GRIN2A: variants seen among roughly 807,000 people sequenced by gnomAD.
GRIN2A encodes glutamate ionotropic receptor NMDA type subunit 2A, also known as glutamate receptor ionotropic, NMDA 2A.
In GRIN2A, 22 loss-of-function variants were observed where a neutral mutation model predicts 113.4. The ratio of observed to expected loss-of-function variants is 0.19; its 90% confidence interval spans 0.14 to 0.28. The LOEUF (loss-of-function observed/expected upper bound fraction) is 0.28, where lower values mean the gene tolerates loss of function less well. Among genes scored for constraint, GRIN2A ranks in the 10% least tolerant of loss-of-function variants. The pLI is 1.00. For missense variants in GRIN2A, 1,502 were observed against 1,887.0 expected, an observed-to-expected ratio of 0.80 and a Z score of 3.78; for synonymous variants, 827 against 738.4, an observed-to-expected ratio of 1.12 and a Z score of -1.94.
At chr16:10,067,018 G>T (rs2047662896) in intron 2 of GRIN2A, among the ~76,000 whole-genome samples, 1 of 152,222 alleles carries the variant, frequency 6.6e-6, no homozygotes, top group Non-Finnish European at 1.5e-5. Context: ...TTAAGTGGAT[G>T]AATAAATGAA....
chr16:9,867,801 C>T (rs2043186449), intron 4 of GRIN2A, among the ~76,000 whole-genome samples: 1 of 152,104 alleles, frequency 6.6e-6, no homozygotes, highest in Non-Finnish European at 1.5e-5. Flanking sequence ...TTTCCTCTCC[C>T]TCTTGCCCCC....
intron 2 of GRIN2A, among the ~76,000 whole-genome samples, chr16:9,995,706 A>C (rs918119714): frequency 6.6e-6 from 1 of 152,150 alleles, no homozygotes; most frequent in Non-Finnish European, 1.5e-5. Context: ...TGATTCTTGC[A>C]CTTACATTTT....
chr16:9,994,508 G>C (rs532185967), intron 2 of GRIN2A, among the ~76,000 whole-genome samples: 1 of 152,142 alleles, frequency 6.6e-6, no homozygotes, highest in Non-Finnish European at 1.5e-5. Context: ...TGACGTCCCC[G>C]AGATGTTAAC....
chr16:9,761,196 T>C lies in GRIN2A; in HGVS notation c.*1953A>G, dbSNP rs1900567592. 4.3e-6 allele frequency: 1 copy of C among 231,884 alleles called. No individual in the cohort carries two copies. Among genetic ancestry groups the C allele is most frequent in the Non-Finnish European group, 8.5e-6 (1 of 117,296 alleles). The allele number at this position is 231,884 out of a possible 1,614,324, so 14.4% of individuals were successfully genotyped here. A position where few individuals can be genotyped will look rare whatever the true frequency, so the allele number is the denominator to read the frequency against. ...GGAACACTGTAGGTCAGGTGTACTT[T>C]CCCAAAGATGGAGCTATTCCATGCA... On this transcript the variant is annotated 3_prime_UTR_variant, in exon 13 of 13. Coordinates refer to ENST00000330684, the MANE Select transcript of GRIN2A (RefSeq NM_001134407.3).
At chr16:10,113,639 C>T (rs1194971570) in intron 2 of GRIN2A, among the ~76,000 whole-genome samples, 2 of 152,200 alleles carry the variant, frequency 1.3e-5, no homozygotes, top group East Asian at 1.9e-4. Flanking sequence ...GCAGCTTATA[C>T]ACTACTGCAT....
intron 2 of GRIN2A, among the ~76,000 whole-genome samples, chr16:10,090,315 AAG>A (rs1160913608): frequency 6.6e-6 from 1 of 152,226 alleles, no homozygotes; most frequent in East Asian, 1.9e-4. Flanking sequence ...TACAGAAATC[AAG>A]AGAGTGTGGT....
chr16:10,138,064 G>A (rs930407426), intron 2 of GRIN2A, among the ~76,000 whole-genome samples: 1 of 152,130 alleles, frequency 6.6e-6, no homozygotes, highest in Non-Finnish European at 1.5e-5. Context: ...TCCACTCCTA[G>A]ACCCTAGTTC....
intron 3 of GRIN2A, among the ~76,000 whole-genome samples, chr16:9,894,295 A>C (rs963736732): frequency 6.6e-6 from 1 of 152,214 alleles, no homozygotes; most frequent in African/African-American, 2.4e-5. Context: ...GGATTTGTTC[A>C]GAAGGTCATG....
At chr16:9,917,937 G>A (rs1037550977) in intron 3 of GRIN2A, among the ~76,000 whole-genome samples, 2 of 152,074 alleles carry the variant, frequency 1.3e-5, no homozygotes, top group Non-Finnish European at 2.9e-5. Flanking sequence ...ACTTAATTAA[G>A]CTATGCAAAG....
chr16:10,013,612 T>C (rs2046550608), intron 2 of GRIN2A, among the ~76,000 whole-genome samples: 1 of 152,154 alleles, frequency 6.6e-6, no homozygotes, highest in Non-Finnish European at 1.5e-5. Context: ...TCATAGCTCT[T>C]CTCTCTGTGC....
Position 9,938,055 on chromosome 16 carries a change from G to C in GRIN2A, c.911C>G (p.Ser304Cys). The C allele has an allele frequency of 6.2e-7, 1 of 1,614,108 alleles. No individual in the cohort carries two copies. Among genetic ancestry groups the C allele is most frequent in the Admixed American group, 1.7e-5 (1 of 60,032 alleles). ...DGIGILTTAA[S>C]SMLEKFSYIP... ...GTAGGAGAACTTCTCCAGCATAGAA[G>C]ATGCAGCGGTGGTTAGGATGCCAAT... The change falls in exon 3 of 13, where the codon TCT (serine) becomes TGT (cysteine). Residue 304 changes from serine to cysteine, a missense_variant. Physicochemically the swap from Ser to Cys is moderately radical, Grantham distance 112 (BLOSUM62 -1). Coordinates refer to ENST00000330684, the MANE Select transcript of GRIN2A (RefSeq NM_001134407.3).
chr16:9,962,578 A>G (rs2045464355), intron 2 of GRIN2A, among the ~76,000 whole-genome samples: 1 of 152,168 alleles, frequency 6.6e-6, no homozygotes, highest in Admixed American at 6.5e-5. Context: ...ATCTCACACC[A>G]GTTAGAATGG....
intron 2 of GRIN2A, among the ~76,000 whole-genome samples, chr16:10,138,767 T>C (rs2049257837): frequency 6.6e-6 from 1 of 152,228 alleles, no homozygotes. Flanking sequence ...TTAAAGTACC[T>C]GGCATAGTTT....
At chr16:10,130,475 G>A (rs1020886774) in intron 2 of GRIN2A, among the ~76,000 whole-genome samples, 1 of 152,196 alleles carries the variant, frequency 6.6e-6, no homozygotes, top group East Asian at 1.9e-4. Flanking sequence ...GTAGGCAGAT[G>A]GGTCAGGCTG....
chr16:9,794,247 T>C (rs989589508), intron 11 of GRIN2A, among the ~76,000 whole-genome samples: 10 of 152,204 alleles, frequency 6.6e-5, no homozygotes, highest in Non-Finnish European at 1.5e-4. Context: ...TGTAAGAGGT[T>C]CCCTCAATAA....
intron 10 of GRIN2A, 66 bp downstream of exon 10, chr16:9,822,198 G>C: frequency 6.6e-7 from 1 of 1,512,188 alleles, no homozygotes; most frequent in South Asian, 1.1e-5. Context: ...GAGGCATGCC[G>C]AGAGTCAATT....
At position 9,867,152 on chromosome 16, in the gene GRIN2A, T is replaced by C. The variant is rs535789309; in HGVS notation, c.1123-17191A>G. 5.3e-5 allele frequency among the ~76,000 whole-genome samples: 8 copies of C among 152,196 alleles called. No individual in the cohort carries two copies. In the South Asian group the frequency reaches 1.7e-3, roughly 32 times the overall value. On this transcript the variant is annotated intron_variant, in intron 4 of 12. Transcript: ENST00000330684. ...CTATCACACCCACCTGGCAGCACCC[T>C]CCCCAACTCTGAGTCAATCCCACCA...
At chr16:9,983,816 G>T (rs189081361) in intron 2 of GRIN2A, among the ~76,000 whole-genome samples, 2 of 152,256 alleles carry the variant, frequency 1.3e-5, no homozygotes, top group Non-Finnish European at 2.9e-5. Flanking sequence ...TTAATTCAGT[G>T]GTTGATTCAA....
In GRIN2A at chr16:9,760,202, C is replaced by A; in HGVS notation, c.*2947G>T. 1 of 226,964 alleles carries A rather than the reference C, an allele frequency of 4.4e-6. No individual in the cohort carries two copies. 14.1% of individuals were successfully genotyped at this position (226,964 alleles called of 1,614,324 possible). A position where few individuals can be genotyped will look rare whatever the true frequency, so the allele number is the denominator to read the frequency against. ...GAATCTTCTGTGATAGATCTATAGTCTCAGGCTTCCAGGCTTCCTATTTAA... is the reference window on the plus strand; with the variant it reads ...GAATCTTCTGTGATAGATCTATAGTATCAGGCTTCCAGGCTTCCTATTTAA... On this transcript the variant is annotated 3_prime_UTR_variant, in exon 13 of 13. Coordinates refer to ENST00000330684, the MANE Select transcript of GRIN2A (RefSeq NM_001134407.3).
Sources: gnomAD v4.1 joint callset for allele counts (sites outside exome capture counted in the v4.1 genomes callset) on GRCh38, gnomAD v4.1.1 for gene constraint, MANE v1.5 for transcripts, NCBI Gene and HGNC (gene_info 2026-07-23, HGNC 2026-07-21) for gene names.